Variants in PLD2 observed in about 807,000 individuals in gnomAD.
PLD2 encodes choline phosphatase 2.
PLD2 carries 101 observed loss-of-function variants against 119.8 expected under a neutral mutation model. The observed-to-expected ratio is 0.84, with a 90% CI of 0.72 to 0.99. PLD2 has a LOEUF of 0.99. Among genes scored for constraint, PLD2 ranks in the 50% least tolerant of loss-of-function variants. PLD2 has a pLI of 0.00. For synonymous variants in PLD2, 494 were observed against 482.8 expected (o/e 1.02, Z -0.30); for missense variants, 1,164 against 1,226.8 (o/e 0.95, Z 0.76).
Position 4,819,713 on chromosome 17 carries a change from C to G in PLD2, c.2462+131C>G. 2 of 908,730 alleles carry G rather than the reference C, an allele frequency of 2.2e-6. No individual in the cohort carries two copies. The highest frequency in any genetic ancestry group is 1.6e-6 in the Non-Finnish European group (1 of 619,440). The allele number at this position is 908,730 out of a possible 1,614,324, so 56.3% of individuals were successfully genotyped here. The stretch of plus-strand genomic sequence containing the variant: ...GAGGCAGTACTAGATTCTCAATAGG[C>G]AAGGCTGGGCGCGGCAGCTCACGCC... On this transcript the variant is annotated intron_variant, in intron 23 of 24. Coordinates refer to ENST00000263088, the MANE Select transcript of PLD2 (RefSeq NM_002663.5). This position sits in a 1 kb window ranked among gnomAD's most constrained non-coding sequence, Gnocchi z 4.2.
At chr17:4,814,550 C>T in intron 11 of PLD2, 49 bp downstream of exon 11, 1 of 1,612,584 alleles carries the variant, frequency 6.2e-7, no homozygotes, top group Non-Finnish European at 8.5e-7. Context: ...GAGCCTGGGG[C>T]AGATCAGCAT....
At chr17:4,810,559 C>T (rs1245264495) in intron 9 of PLD2, among the ~76,000 whole-genome samples, 1 of 152,050 alleles carries the variant, frequency 6.6e-6, no homozygotes, top group East Asian at 1.9e-4. Flanking sequence ...GCAGGAGAAT[C>T]GCTTGAAGCT....
At position 4,819,179 on chromosome 17, in the gene PLD2, A is replaced by G. The variant is rs200252642; in HGVS notation, c.2269A>G (p.Ser757Gly). 2 of 1,614,148 alleles carry G rather than the reference A, an allele frequency of 1.2e-6. No individual in the cohort carries two copies. The highest frequency in any genetic ancestry group is 3.3e-5 in the Admixed American group (2 of 60,018). ...CGTCTCGGAGCTCATCTACATCCAC[A>G]GCAAGGTGCTCATCGCAGATGACCG... Reference protein sequence around the residue: ...HPVSELIYIHSKVLIADDRTV... With the variant: ...HPVSELIYIHGKVLIADDRTV... The change falls in exon 22 of 25, where the codon AGC becomes GGC. Residue 757 changes from serine (S) to glycine (G), a missense_variant. Transcript: ENST00000263088. This position sits in a 1 kb window ranked among gnomAD's most constrained non-coding sequence, Gnocchi z 4.2.
At position 4,810,818 on chromosome 17, in the gene PLD2, TGCA is replaced by T; in HGVS notation, c.883_885del (p.Ser295del). 1 of 1,612,876 alleles carries T rather than the reference TGCA, an allele frequency of 6.2e-7. No homozygotes were observed. Among genetic ancestry groups the T allele is most frequent in the Non-Finnish European group, 8.5e-7 (1 of 1,179,420 alleles). On this transcript the variant is annotated inframe_deletion, in exon 10 of 25. Coordinates refer to ENST00000263088, the MANE Select transcript of PLD2 (RefSeq NM_002663.5). ...CCCATCCAGGTCCTTGATTCTCAAG[TGCA>T]GCAGCTACCGGCAGGCACGGTGGTG...
chr17:4,822,249 A>G (rs2326088), intron 24 of PLD2, among the ~76,000 whole-genome samples: 150,490 of 152,170 alleles, frequency 0.99, 74,442 homozygotes, highest in East Asian at 1. Flanking sequence ...AACTCAGGAG[A>G]CAGAGATTTC....
chr17:4,817,213 A>G lies in PLD2; in HGVS notation c.1769A>G (p.Asn590Ser), dbSNP rs200620430. 2.0e-5 allele frequency: 33 copies of G among 1,613,782 alleles called. 1 individual carries two copies. In the Admixed American group the frequency reaches 2.7e-4, roughly 13 times the overall value. Reference protein sequence around the residue: ...YLLPKSTSTANQLPFTLPGGQ... With the variant: ...YLLPKSTSTASQLPFTLPGGQ... ...CTTCCCAAGTCTACCAGCACGGCCA[A>G]TCAGCTCCCCTTCACACTTCCAGGA... The change falls in exon 17 of 25, where the codon AAT becomes AGT. Residue 590 changes from asparagine (N) to serine (S), a missense_variant. By Grantham distance (46) the Asn-to-Ser change is conservative (BLOSUM62 1). Transcript: ENST00000263088.
chr17:4,819,023 T>A lies in PLD2; in HGVS notation c.2174-61T>A. The A allele has an allele frequency of 1.3e-6, 2 of 1,598,812 alleles. No individual in the cohort carries two copies. Among genetic ancestry groups the A allele is most frequent in the Non-Finnish European group, 1.7e-6 (2 of 1,171,066 alleles). On this transcript the variant is annotated intron_variant, in intron 21 of 24. Coordinates refer to ENST00000263088, the MANE Select transcript of PLD2 (RefSeq NM_002663.5). This position sits in a 1 kb window ranked among gnomAD's most constrained non-coding sequence, Gnocchi z 4.2. ...GAAGAGTTTCTGGAGTGAGAGGAGG[T>A]GGGACAGGGCCCTGTGCACACAGAG...
intron 14 of PLD2, 61 bp from the exon 15 acceptor site, chr17:4,816,559 C>G: frequency 6.4e-7 from 1 of 1,571,096 alleles, no homozygotes; most frequent in East Asian, 2.2e-5. Context: ...CTCTTTGGCC[C>G]TGGCTCTGTA....
In PLD2 at chr17:4,808,110, C is replaced by A; in HGVS notation, c.236C>A (p.Ser79Tyr). 1 of 1,607,318 alleles carries A rather than the reference C, an allele frequency of 6.2e-7. No homozygotes were observed. The highest frequency in any genetic ancestry group is 8.5e-7 in the Non-Finnish European group (1 of 1,174,614). ...VVGTERYTSG[S>Y]KVGTCTLYSV... ...GGCACCGAAAGATATACCAGCGGAT[C>A]CAAGGTGGCCAGACTGGCCCCAGGG... Residue 79 changes from serine (S) to tyrosine (Y), a missense_variant, in exon 3 of 25, where the codon TCC (serine) becomes TAC (tyrosine). By Grantham distance (144) the Ser-to-Tyr change is moderately radical. Coordinates refer to ENST00000263088, the MANE Select transcript of PLD2 (RefSeq NM_002663.5). This position sits in a 1 kb window ranked among gnomAD's most constrained non-coding sequence, Gnocchi z 4.1.
Position 4,809,712 on chromosome 17 carries a change from C to T in PLD2, c.636C>T (p.Arg212=). 1.9e-6 allele frequency: 3 copies of T among 1,614,174 alleles called. No homozygotes were observed. The highest frequency in any genetic ancestry group is 2.5e-6 in the Non-Finnish European group (3 of 1,180,038). The stretch of plus-strand genomic sequence containing the variant: ...ACAGGGAGGGGATGATCCGGAAGCG[C>T]TCAGGTGGCCACCGTGTTCCTGGCC... The part of the protein sequence containing the change: ...RKGLEGMIRK[R]SGGHRVPGLT... Residue 212 remains arginine, a synonymous_variant, in exon 8 of 25, where the codon CGC becomes CGT. Coordinates refer to ENST00000263088, the MANE Select transcript of PLD2 (RefSeq NM_002663.5).
intron 17 of PLD2, among the ~76,000 whole-genome samples, chr17:4,817,728 G>A (rs1907159756): frequency 6.6e-6 from 1 of 151,544 alleles, no homozygotes; most frequent in Non-Finnish European, 1.5e-5. Flanking sequence ...GGAGGCCGAG[G>A]CAGGCGGATC....
Position 4,815,771 on chromosome 17 carries a change from G to T in PLD2, c.1292G>T (p.Arg431Leu). ...CCTCCATGCCTGCTCCAGGTGATGC[G>T]TCACCCAGACCAAGTGACGTTGTGG... ...MLLHPNIKVM[R>L]HPDQVTLWAH... The change falls in exon 14 of 25, where the codon CGT (arginine) becomes CTT (leucine). Residue 431 changes from arginine (R) to leucine (L), a missense_variant. By Grantham distance (102) the Arg-to-Leu change is moderately radical (BLOSUM62 -2). Coordinates refer to ENST00000263088, the MANE Select transcript of PLD2 (RefSeq NM_002663.5). 1 of 1,613,848 alleles carries T rather than the reference G, an allele frequency of 6.2e-7. No individual in the cohort carries two copies. The highest frequency in any genetic ancestry group is 8.5e-7 in the Non-Finnish European group (1 of 1,179,936).
In PLD2 at chr17:4,815,489, G is replaced by A. The variant is rs758774869; in HGVS notation, c.1187G>A (p.Arg396His). Residue 396 changes from arginine (R) to histidine (H), a missense_variant, in exon 13 of 25, where the codon CGT (arginine) becomes CAT (histidine). Coordinates refer to ENST00000263088, the MANE Select transcript of PLD2 (RefSeq NM_002663.5). ...ACTCACCACCAGGAGGAGGGTGTCC[G>A]TGTGTCTATTCTGCTGTTTAAAGAA... The part of the protein sequence containing the change: ...MLKRKAEEGV[R>H]VSILLFKEVE... 2.1e-5 allele frequency: 34 copies of A among 1,609,316 alleles called. No individual in the cohort carries two copies. Among genetic ancestry groups the A allele is most frequent in the East Asian group, 1.3e-4 (6 of 44,874 alleles).
At position 4,810,901 on chromosome 17, in the gene PLD2, G is replaced by A; in HGVS notation, c.960G>A (p.Leu320=). 1 of 1,613,650 alleles carries A rather than the reference G, an allele frequency of 6.2e-7. No homozygotes were observed. The highest frequency in any genetic ancestry group is 1.1e-5 in the South Asian group (1 of 91,052). The part of the protein sequence containing the change: ...AQGPGRDFLQ[L]HRHDSYAPPR... ...GCCCAGGCAGAGACTTCCTACAGCT[G>A]CACCGGCATGACAGCTACGCCCCAC... Residue 320 remains leucine (L), a synonymous_variant, in exon 10 of 25, where the codon CTG becomes CTA. Transcript: ENST00000263088.
rs777584661 is a variant in PLD2 at position 4,809,198 on chromosome 17, G to T, written c.482G>T (p.Ser161Ile). Residue 161 changes from serine (S) to isoleucine (I), a missense_variant, in exon 5 of 25, where the codon AGC (serine) becomes ATC (isoleucine). By Grantham distance (142) the Ser-to-Ile change is moderately radical (BLOSUM62 -2). Coordinates refer to ENST00000263088, the MANE Select transcript of PLD2 (RefSeq NM_002663.5). ...GAGGGCTCCACCAGACATGCAGCCA[G>T]CAAACAGGTGGGACCAGATGCCAGG... ...GPEGSTRHAA[S>I]KQKYLENYLN... The T allele has an allele frequency of 6.2e-7, 1 of 1,614,094 alleles. No individual in the cohort carries two copies. The highest frequency in any genetic ancestry group is 1.7e-5 in the Admixed American group (1 of 60,032).
Position 4,818,293 on chromosome 17 carries a change from C to G in PLD2, c.1921-4C>G. The G allele has an allele frequency of 6.2e-7, 1 of 1,612,308 alleles. No individual in the cohort carries two copies. The stretch of plus-strand genomic sequence containing the variant: ...CTGATGTCTGTCTCTGATTCTTGCC[C>G]CAGAATCAGTTCTTCATTAGCTGCT... On this transcript the variant is annotated splice_region_variant and splice_polypyrimidine_tract_variant and intron_variant, in intron 18 of 24. Transcript: ENST00000263088.
At position 4,823,100 on chromosome 17, in the gene PLD2, C is replaced by T. The variant is rs1258141956; in HGVS notation, c.*236C>T. 4.0e-6 allele frequency: 2 copies of T among 505,528 alleles called. No homozygotes were observed. The highest frequency in any genetic ancestry group is 7.0e-6 in the Non-Finnish European group (2 of 284,104). The allele number at this position is 505,528 out of a possible 1,614,324, so 31.3% of individuals were successfully genotyped here. On this transcript the variant is annotated 3_prime_UTR_variant, in exon 25 of 25. Transcript: ENST00000263088. Reference sequence around the variant, plus strand: ...CCCAGAGCTCATCCCCCCTGCTGCCCAGTGCAAACCACTTCTCCATGCTGC... The same window carrying T: ...CCCAGAGCTCATCCCCCCTGCTGCCTAGTGCAAACCACTTCTCCATGCTGC...
At chr17:4,816,169 G>A (rs1176302396) in intron 14 of PLD2, among the ~76,000 whole-genome samples, 1 of 152,096 alleles carries the variant, frequency 6.6e-6, no homozygotes, top group Admixed American at 6.6e-5. Context: ...ATCACCTGAG[G>A]TCTGGAGTTC....
Position 4,818,564 on chromosome 17 carries a change from G to A in PLD2, c.2080G>A (p.Gly694Ser). 1 of 1,613,976 alleles carries A rather than the reference G, an allele frequency of 6.2e-7. No homozygotes were observed. Among genetic ancestry groups the A allele is most frequent in the Non-Finnish European group, 8.5e-7 (1 of 1,179,956 alleles). ...TGGCTTCGAGGGTGACATCTCCACG[G>A]GCGGTGGCAACTCCATCCAGGCCAT... ...LPGFEGDIST[G>S]GGNSIQAILH... Residue 694 changes from glycine to serine, a missense_variant, in exon 20 of 25, where the codon GGC (glycine) becomes AGC (serine). Physicochemically the swap from Gly to Ser is moderately conservative, Grantham distance 56 (BLOSUM62 0). Transcript: ENST00000263088.
Sources: gnomAD v4.1 joint callset for allele counts (sites outside exome capture counted in the v4.1 genomes callset) on GRCh38, gnomAD v4.1.1 for gene constraint, Gnocchi (gnomAD v3.1) non-coding constraint, MANE v1.5 for transcripts, NCBI Gene and HGNC (gene_info 2026-07-23, HGNC 2026-07-21) for gene names.